ALK: variants seen among roughly 807,000 people sequenced by gnomAD.
ALK encodes the protein ALK receptor tyrosine kinase.
Under a neutral mutation model 163.1 loss-of-function variants are expected in ALK, and 74 were observed. The observed-to-expected ratio is 0.45, with a 90% CI of 0.38 to 0.55. The LOEUF is 0.55. ALK is among the 20% of genes least tolerant of loss of function. ALK has a pLI of 0.00. For synonymous variants in ALK, 960 were observed against 843.2 expected, an observed-to-expected ratio of 1.14 and a Z score of -2.40; for missense variants, 2,063 against 2,105.3, an observed-to-expected ratio of 0.98 and a Z score of 0.39.
chr2:29,630,914 T>C lies in ALK; in HGVS notation c.952+63936A>G, dbSNP rs561459757. ...CATTACTCATCCCTCTCTATATAGATGTATTTAGCTGCGATTTGTATAGCA... is the reference window on the plus strand; with the variant it reads ...CATTACTCATCCCTCTCTATATAGACGTATTTAGCTGCGATTTGTATAGCA... On this transcript the variant is annotated intron_variant, in intron 3 of 28. Coordinates refer to ENST00000389048, the MANE Select transcript of ALK (RefSeq NM_004304.5). 1.2e-3 allele frequency among the ~76,000 whole-genome samples: 189 copies of C among 152,336 alleles called. 1 individual carries two copies. Among genetic ancestry groups the C allele is most frequent in the Non-Finnish European group, 2.2e-3 (151 of 68,042 alleles).
intron 1 of ALK, among the ~76,000 whole-genome samples, chr2:29,730,153 C>T (rs1024919310): frequency 2.6e-5 from 4 of 152,180 alleles, no homozygotes; most frequent in African/African-American, 7.2e-5. Context: ...GCACAAGCTC[C>T]GAGAAAGCAA....
At chr2:29,369,270 C>T (rs1668584193) in intron 5 of ALK, among the ~76,000 whole-genome samples, 1 of 151,828 alleles carries the variant, frequency 6.6e-6, no homozygotes, top group Non-Finnish European at 1.5e-5. Context: ...CATTCAAATG[C>T]CTCCTTGCTG....
At chr2:29,416,669 G>A (rs1009230963) in intron 4 of ALK, among the ~76,000 whole-genome samples, 11 of 152,142 alleles carry the variant, frequency 7.2e-5, no homozygotes, top group African/African-American at 2.4e-4. Context: ...ATCAAGGCTT[G>A]GGCCCCAGAT....
At chr2:29,777,696 T>TTGTTCAA (rs769041624) in intron 1 of ALK, among the ~76,000 whole-genome samples, 3 of 152,240 alleles carry the variant, frequency 2.0e-5, no homozygotes, top group Non-Finnish European at 2.9e-5. Context: ...CCTGAGAATC[T>TTGTTCAA]TGTTCAAATG....
intron 3 of ALK, among the ~76,000 whole-genome samples, chr2:29,533,376 T>C (rs1331627522): frequency 6.6e-6 from 1 of 152,240 alleles, no homozygotes; most frequent in East Asian, 1.9e-4. Flanking sequence ...AATTCAGTCC[T>C]CTTGCTTTCC....
chr2:29,575,460 A>C (rs976152553), intron 3 of ALK, among the ~76,000 whole-genome samples: 1 of 152,146 alleles, frequency 6.6e-6, no homozygotes, highest in Non-Finnish European at 1.5e-5. Context: ...CACCTGACCC[A>C]GTCTCCTAAA....
chr2:29,496,479 T>G (rs1382321041), intron 4 of ALK, among the ~76,000 whole-genome samples: 1 of 152,170 alleles, frequency 6.6e-6, no homozygotes, highest in Non-Finnish European at 1.5e-5. Flanking sequence ...GATCTTTATG[T>G]TTTTTAATGA....
intron 3 of ALK, among the ~76,000 whole-genome samples, chr2:29,670,286 A>G (rs1677641549): frequency 6.6e-6 from 1 of 152,090 alleles, no homozygotes; most frequent in Non-Finnish European, 1.5e-5. Context: ...TGCTGAGCAC[A>G]GTATTCTTGG....
intron 3 of ALK, among the ~76,000 whole-genome samples, chr2:29,664,771 G>T (rs1320178816): frequency 2.6e-5 from 4 of 152,008 alleles, no homozygotes; most frequent in African/African-American, 9.7e-5. Context: ...TTTACTCTGT[G>T]CTCAGCATGG....
chr2:29,698,446 C>T (rs1321583663), intron 2 of ALK, among the ~76,000 whole-genome samples: 1 of 152,236 alleles, frequency 6.6e-6, no homozygotes, highest in Non-Finnish European at 1.5e-5. Context: ...CCACCAGCCA[C>T]TCCCATCCCA....
At chr2:29,586,920 G>A (rs1674904506) in intron 3 of ALK, among the ~76,000 whole-genome samples, 1 of 152,188 alleles carries the variant, frequency 6.6e-6, no homozygotes, top group East Asian at 1.9e-4. Flanking sequence ...ATGTTTAGCT[G>A]AGATTCCCAG....
chr2:29,269,270 C>A (rs1223503008), intron 11 of ALK, among the ~76,000 whole-genome samples: 1 of 152,180 alleles, frequency 6.6e-6, no homozygotes, highest in Non-Finnish European at 1.5e-5. Context: ...GGGTGCTTGG[C>A]CTTCAGCCCA....
chr2:29,542,635 G>T (rs4665467), intron 3 of ALK, among the ~76,000 whole-genome samples: 18,561 of 152,182 alleles, frequency 0.12, 1,513 homozygotes, highest in East Asian at 0.34. Context: ...GAAGTCTAAC[G>T]CTGGTTTTAT....
intron 2 of ALK, among the ~76,000 whole-genome samples, chr2:29,705,249 A>C (rs1457125392): frequency 2.6e-5 from 1 of 37,992 alleles, no homozygotes; most frequent in African/African-American, 1.6e-4. Context: ...AAATATATAT[A>C]TATATATATA....
At chr2:29,631,950 C>T (rs958921301) in intron 3 of ALK, among the ~76,000 whole-genome samples, 2 of 152,150 alleles carry the variant, frequency 1.3e-5, no homozygotes, top group African/African-American at 2.4e-5. Context: ...ATGTATCATT[C>T]GATCATTGTA....
rs577245010 is a variant in ALK at position 29,445,718 on chromosome 2, A to C, written c.1155-61859T>G. Reference sequence around the variant, plus strand: ...ATGCCTGTAGTCCCAGTTACTTGGGAGGCTGAGGCAGTAGAATCACTTGAA... The same window carrying C: ...ATGCCTGTAGTCCCAGTTACTTGGGCGGCTGAGGCAGTAGAATCACTTGAA... On this transcript the variant is annotated intron_variant, in intron 4 of 28. Transcript: ENST00000389048. 2.0e-5 allele frequency among the ~76,000 whole-genome samples: 3 copies of C among 152,304 alleles called. No homozygotes were observed. The South Asian group carries it at 6.2e-4, about 32-fold the overall frequency.
rs539221406 is a variant in ALK at position 29,494,287 on chromosome 2, G to T, written c.1154+37628C>A. On this transcript the variant is annotated intron_variant, in intron 4 of 28. Coordinates refer to ENST00000389048, the MANE Select transcript of ALK (RefSeq NM_004304.5). ...TTCAAGCTTTGAGGCCTCCAGACCTGGTACTGGTCTGCTCTGGGTCTCTGT... is the reference window on the plus strand; with the variant it reads ...TTCAAGCTTTGAGGCCTCCAGACCTTGTACTGGTCTGCTCTGGGTCTCTGT... Among the ~76,000 whole-genome samples, 4 of 152,300 alleles carry T rather than the reference G, an allele frequency of 2.6e-5. No individual in the cohort carries two copies. The East Asian group carries it at 5.8e-4, about 22-fold the overall frequency.
At chr2:29,487,598 C>T (rs1671807169) in intron 4 of ALK, among the ~76,000 whole-genome samples, 1 of 152,180 alleles carries the variant, frequency 6.6e-6, no homozygotes, top group African/African-American at 2.4e-5. Context: ...TGACTTTGAG[C>T]AACTCAGCTG....
In ALK at chr2:29,518,192, G is replaced by A. The variant is rs186885645; in HGVS notation, c.1154+13723C>T. The stretch of plus-strand genomic sequence containing the variant: ...CATCTAAATGTTAATGCACACTTAA[G>A]ACAACAGTGCAGCTCATACTCTTCC... On this transcript the variant is annotated intron_variant, in intron 4 of 28. Transcript: ENST00000389048. Among the ~76,000 whole-genome samples the A allele has an allele frequency of 1.5e-3, 227 of 152,282 alleles. 1 individual carries two copies. The highest frequency in any genetic ancestry group is 2.8e-3 in the Non-Finnish European group (190 of 68,026).
Sources: gnomAD v4.1 joint callset for allele counts (sites outside exome capture counted in the v4.1 genomes callset) on GRCh38, gnomAD v4.1.1 for gene constraint, MANE v1.5 for transcripts, NCBI Gene and HGNC (gene_info 2026-07-23, HGNC 2026-07-21) for gene names.